AOC1: variants seen among roughly 807,000 people sequenced by gnomAD.
AOC1 encodes the protein diamine oxidase [copper-containing].
Under a neutral mutation model 57.1 loss-of-function variants are expected in AOC1, and 58 were observed. The observed-to-expected ratio is 1.02, with a 90% CI of 0.82 to 1.26. The LOEUF (loss-of-function observed/expected upper bound fraction) is 1.26, where lower values mean the gene tolerates loss of function less well. Ranked by LOEUF, AOC1 falls within the 50% of genes most tolerant of loss-of-function variation. The pLI, the probability that AOC1 is intolerant of heterozygous loss-of-function variation, is 0.00. For missense variants in AOC1, 917 were observed against 1,005.3 expected (o/e 0.91, Z 1.19); for synonymous variants, 401 against 423.4 (o/e 0.95, Z 0.65).
rs746603024 is a variant in AOC1, at chr7:150,858,033, T to C, written c.1563T>C (p.Asp521=). 2.0e-6 allele frequency: 3 copies of C among 1,515,376 alleles called. No homozygotes were observed. In the East Asian group the frequency reaches 6.8e-5, roughly 34 times the overall value. The allele number at this position is 1,515,376 out of a possible 1,614,324, so 93.9% of individuals were successfully genotyped here. The change falls in exon 2 of 5, where the codon GAT becomes GAC. Residue 521 remains aspartate, a synonymous_variant. Coordinates refer to ENST00000360937, the MANE Select transcript of AOC1 (RefSeq NM_001091.4). ...THLVHYRVDL[D]VAGTKNSFQT... is the part of the protein sequence containing the mutation. ...TGGTGCACTACCGCGTAGACCTGGATGTGGCAGGTAGGACTCAAAGCGAGA... is the reference window on the plus strand; with the variant it reads ...TGGTGCACTACCGCGTAGACCTGGACGTGGCAGGTAGGACTCAAAGCGAGA...
chr7:150,860,734 G>C (rs1032024430), intron 4 of AOC1, 101 bp downstream of exon 4: 12 of 1,463,304 alleles, frequency 8.2e-6, no homozygotes, highest in Non-Finnish European at 1.1e-5. Flanking sequence ...ACCACCCTTT[G>C]CCCAGATCTG....
rs45490891 is a variant in AOC1 at position 150,852,729 on chromosome 7, G to T, written c.-17+171G>T. On this transcript the variant is annotated intron_variant, in intron 1 of 4. Coordinates refer to ENST00000360937, the MANE Select transcript of AOC1 (RefSeq NM_001091.4). This position sits in a 1 kb window ranked among gnomAD's most constrained non-coding sequence, Gnocchi z 4.6. ...ATCACAGAAGGTGCCCGGGTGCTTG[G>T]TGGCAGGCAACAGCCGGCCAGGGTG... Among the ~76,000 whole-genome samples the T allele has an allele frequency of 6.6e-6, 1 of 152,158 alleles. No individual in the cohort carries two copies. The highest frequency in any genetic ancestry group is 2.4e-5 in the African/African-American group (1 of 41,432).
Position 150,857,849 on chromosome 7 carries a change from A to T in AOC1, c.1379A>T (p.Asn460Ile). ...CTGCGGACAACTTCAACTGTCTACA[A>T]TTATGATTACATTTGGGACTTTATC... ...LVLRTTSTVY[N>I]YDYIWDFIFY... Residue 460 changes from asparagine (N) to isoleucine (I), a missense_variant, in exon 2 of 5, where the codon AAT becomes ATT. Physicochemically the swap from Asn to Ile is moderately radical, Grantham distance 149 (BLOSUM62 -3). Coordinates refer to ENST00000360937, the MANE Select transcript of AOC1 (RefSeq NM_001091.4). This position sits in a 1 kb window ranked among gnomAD's most constrained non-coding sequence, Gnocchi z 6.6. 1 of 1,613,968 alleles carries T rather than the reference A, an allele frequency of 6.2e-7. No individual in the cohort carries two copies. The highest frequency in any genetic ancestry group is 8.5e-7 in the Non-Finnish European group (1 of 1,179,852).
chr7:150,860,282 T>G (rs1204710452), intron 3 of AOC1, among the ~76,000 whole-genome samples: 1 of 134,598 alleles, frequency 7.4e-6, no homozygotes, highest in Non-Finnish European at 1.6e-5. Context: ...TCTGGGCCTG[T>G]GTCTCTGTGC....
In AOC1 at chr7:150,856,861, A is replaced by G; in HGVS notation, c.391A>G (p.Arg131Gly). The G allele has an allele frequency of 6.8e-6, 11 of 1,614,044 alleles. No individual in the cohort carries two copies. The highest frequency in any genetic ancestry group is 9.3e-6 in the Non-Finnish European group (11 of 1,179,940). Reference sequence around the variant, plus strand: ...CTGCTACATGCGAGCACTGTCCCCCAGGCCTGGGTACCAGTCCTCCTGGGC... The same window carrying G: ...CTGCTACATGCGAGCACTGTCCCCCGGGCCTGGGTACCAGTCCTCCTGGGC... ...GPCYMRALSP[R>G]PGYQSSWASR... The change falls in exon 2 of 5, where the codon AGG becomes GGG. Residue 131 changes from arginine (R) to glycine (G), a missense_variant. Physicochemically the swap from Arg to Gly is moderately radical, Grantham distance 125 (BLOSUM62 -2). Coordinates refer to ENST00000360937, the MANE Select transcript of AOC1 (RefSeq NM_001091.4). The surrounding 1 kb of genome is among the most constrained non-coding windows in gnomAD (Gnocchi z 5.2).
chr7:150,858,072 ACATCTG>A (rs770708495), intron 2 of AOC1, 32 bp downstream of exon 2: 1 of 1,494,442 alleles, frequency 6.7e-7, no homozygotes, highest in Non-Finnish European at 8.9e-7. Context: ...TCCCGTTCAA[ACATCTG>A]CATCCAGCCA....
rs761194311 is a variant in AOC1, at chr7:150,860,579, C to A, written c.1935C>A (p.His645Gln). Residue 645 changes from histidine to glutamine, a missense_variant, in exon 4 of 5, where the codon CAC (histidine) becomes CAA (glutamine). By Grantham distance (24) the His-to-Gln change is conservative (BLOSUM62 0). Transcript: ENST00000360937. ...SSIYHQNDPW[H>Q]PPVVFEQFLH... is the part of the protein sequence containing the mutation. ...TCTACCACCAGAACGACCCCTGGCA[C>A]CCGCCCGTGGTCTTTGAGCAGTTTC... is the stretch of plus-strand genomic sequence containing the variant. 3.1e-6 allele frequency: 5 copies of A among 1,613,906 alleles called. No homozygotes were observed. In the Admixed American group the frequency reaches 8.3e-5, roughly 27 times the overall value.
chr7:150,861,121 C>T lies in AOC1; in HGVS notation c.2168C>T (p.Pro723Leu). 1 of 1,614,138 alleles carries T rather than the reference C, an allele frequency of 6.2e-7. No individual in the cohort carries two copies. Among genetic ancestry groups the T allele is most frequent in the Non-Finnish European group, 8.5e-7 (1 of 1,179,984 alleles). Reference sequence around the variant, plus strand: ...ATCGTGTGGCCTCGGGACAACGGCCCCAACTACGTCCAGCGCTGGATCCCT... The same window carrying T: ...ATCGTGTGGCCTCGGGACAACGGCCTCAACTACGTCCAGCGCTGGATCCCT... ...TVIVWPRDNG[P>L]NYVQRWIPED... is the part of the protein sequence containing the mutation. The change falls in exon 5 of 5, where the codon CCC (proline) becomes CTC (leucine). Residue 723 changes from proline (P) to leucine (L), a missense_variant. Transcript: ENST00000360937. This position sits in a 1 kb window ranked among gnomAD's most constrained non-coding sequence, Gnocchi z 4.5.
At chr7:150,858,614 C>G in intron 2 of AOC1, 149 bp from the exon 3 acceptor site, 1 of 866,892 alleles carries the variant, frequency 1.2e-6, no homozygotes, top group Non-Finnish European at 1.7e-6. Context: ...ATGGAATCAC[C>G]ACAGCCGCCC....
rs781579851 is a variant in AOC1 at position 150,856,456 on chromosome 7, G to A, written c.-15G>A. 1 of 1,606,472 alleles carries A rather than the reference G, an allele frequency of 6.2e-7. No individual in the cohort carries two copies. The highest frequency in any genetic ancestry group is 8.5e-7 in the Non-Finnish European group (1 of 1,177,070). On this transcript the variant is annotated splice_region_variant and 5_prime_UTR_variant, in exon 2 of 5. Transcript: ENST00000360937. The surrounding 1 kb of genome is among the most constrained non-coding windows in gnomAD (Gnocchi z 5.2). ...TTCATCTCCTCTATTGCATTCCAGAGCCGTGGAGCGAGAGATGCCGGCCCT... is the reference window on the plus strand; with the variant it reads ...TTCATCTCCTCTATTGCATTCCAGAACCGTGGAGCGAGAGATGCCGGCCCT...
In AOC1 at chr7:150,860,501, G is replaced by A; in HGVS notation, c.1857G>A (p.Arg619=). Residue 619 remains arginine (R), a splice_region_variant and synonymous_variant, in exon 4 of 5, where the codon AGG becomes AGA. Coordinates refer to ENST00000360937, the MANE Select transcript of AOC1 (RefSeq NM_001091.4). ...WQEEQAITWA[R]YPLAVTKYRE... ...AAGCTGCTTCGCCTGTGCCTGGCAG[G>A]TACCCCCTGGCAGTGACCAAGTACC... The A allele has an allele frequency of 2.5e-6, 4 of 1,613,998 alleles. No homozygotes were observed. Among genetic ancestry groups the A allele is most frequent in the Non-Finnish European group, 3.4e-6 (4 of 1,179,936 alleles).
chr7:150,861,121 C>A lies in AOC1; in HGVS notation c.2168C>A (p.Pro723His). ...TVIVWPRDNG[P>H]NYVQRWIPED... is the part of the protein sequence containing the mutation. ...ATCGTGTGGCCTCGGGACAACGGCCCCAACTACGTCCAGCGCTGGATCCCT... is the reference window on the plus strand; with the variant it reads ...ATCGTGTGGCCTCGGGACAACGGCCACAACTACGTCCAGCGCTGGATCCCT... The change falls in exon 5 of 5, where the codon CCC (proline) becomes CAC (histidine). Residue 723 changes from proline to histidine, a missense_variant. Coordinates refer to ENST00000360937, the MANE Select transcript of AOC1 (RefSeq NM_001091.4). This position sits in a 1 kb window ranked among gnomAD's most constrained non-coding sequence, Gnocchi z 4.5. 1.2e-6 allele frequency: 2 copies of A among 1,614,138 alleles called. No individual in the cohort carries two copies. The highest frequency in any genetic ancestry group is 8.5e-7 in the Non-Finnish European group (1 of 1,179,984).
At chr7:150,858,167 TA>T in intron 2 of AOC1, 127 bp downstream of exon 2, 1 of 1,288,274 alleles carries the variant, frequency 7.8e-7, no homozygotes, top group Non-Finnish European at 1.0e-6. Context: ...CCTGCTTCTG[TA>T]AAACCTAAAG....
In AOC1 at chr7:150,860,979, A is replaced by C. The variant is rs1563100735; in HGVS notation, c.2026A>C (p.Ile676Leu). 6.2e-7 allele frequency: 1 copy of C among 1,613,568 alleles called. No individual in the cohort carries two copies. Among genetic ancestry groups the C allele is most frequent in the Non-Finnish European group, 8.5e-7 (1 of 1,179,846 alleles). Residue 676 changes from isoleucine to leucine, a missense_variant, in exon 5 of 5, where the codon ATC (isoleucine) becomes CTC (leucine). Coordinates refer to ENST00000360937, the MANE Select transcript of AOC1 (RefSeq NM_001091.4). ...CTGGGTGACGGTGGGCTTCCTGCAC[A>C]TCCCCCACTCAGAGGACATTCCCAA... The part of the protein sequence containing the change: ...VAWVTVGFLH[I>L]PHSEDIPNTA...
chr7:150,857,926 C>T lies in AOC1; in HGVS notation c.1456C>T (p.His486Tyr). Residue 486 changes from histidine to tyrosine, a missense_variant, in exon 2 of 5, where the codon CAC becomes TAC. Coordinates refer to ENST00000360937, the MANE Select transcript of AOC1 (RefSeq NM_001091.4). This position sits in a 1 kb window ranked among gnomAD's most constrained non-coding sequence, Gnocchi z 6.6. ...EAKMHATGYV[H>Y]ATFYTPEGLR... ...CAAGATGCATGCCACTGGCTACGTC[C>T]ACGCCACCTTCTACACCCCCGAGGG... The T allele has an allele frequency of 6.2e-7, 1 of 1,612,358 alleles. No homozygotes were observed. The highest frequency in any genetic ancestry group is 1.3e-5 in the African/African-American group (1 of 75,012).
rs761284560 is a variant in AOC1, at chr7:150,857,503, C to T, written c.1033C>T (p.Arg345Cys). 4.3e-6 allele frequency: 7 copies of T among 1,613,646 alleles called. No individual in the cohort carries two copies. The highest frequency in any genetic ancestry group is 1.7e-5 in the Admixed American group (1 of 60,002). Residue 345 changes from arginine (R) to cysteine (C), a missense_variant, in exon 2 of 5, where the codon CGC becomes TGC. Coordinates refer to ENST00000360937, the MANE Select transcript of AOC1 (RefSeq NM_001091.4). The surrounding 1 kb of genome is among the most constrained non-coding windows in gnomAD (Gnocchi z 6.6). ...QVLNVHFGGERIAYEVSVQEA... is the reference protein window; with the variant it reads ...QVLNVHFGGECIAYEVSVQEA... ...CCTGAACGTGCACTTCGGCGGAGAG[C>T]GCATTGCCTATGAGGTCAGCGTGCA...
rs764392111 is a variant in AOC1, at chr7:150,861,188, T to G, written c.2235T>G (p.Asn745Lys). The G allele has an allele frequency of 6.2e-6, 10 of 1,603,016 alleles. No individual in the cohort carries two copies. Among genetic ancestry groups the G allele is most frequent in the Non-Finnish European group, 8.5e-6 (10 of 1,172,468 alleles). The stretch of plus-strand genomic sequence containing the variant: ...CGATGCCTCCCCCTTTTAGCTACAA[T>G]GGGACCTATAGACCTGTGTGACCAG... ...DCSMPPPFSY[N>K]GTYRPV Residue 745 changes from asparagine to lysine, a missense_variant, in exon 5 of 5, where the codon AAT becomes AAG. Coordinates refer to ENST00000360937, the MANE Select transcript of AOC1 (RefSeq NM_001091.4). This position sits in a 1 kb window ranked among gnomAD's most constrained non-coding sequence, Gnocchi z 4.5.
In AOC1 at chr7:150,861,453, T is replaced by C; in HGVS notation, c.*244T>C. On this transcript the variant is annotated 3_prime_UTR_variant, in exon 5 of 5. Coordinates refer to ENST00000360937, the MANE Select transcript of AOC1 (RefSeq NM_001091.4). The surrounding 1 kb of genome is among the most constrained non-coding windows in gnomAD (Gnocchi z 4.5). Reference sequence around the variant, plus strand: ...GCACTCACACGGACATGCACACACATGGCATGTACTTTATTCACACTGGTC... The same window carrying C: ...GCACTCACACGGACATGCACACACACGGCATGTACTTTATTCACACTGGTC... 1 of 443,862 alleles carries C rather than the reference T, an allele frequency of 2.3e-6. No individual in the cohort carries two copies. Among genetic ancestry groups the C allele is most frequent in the Non-Finnish European group, 4.0e-6 (1 of 251,608 alleles). 27.5% of individuals were successfully genotyped at this position (443,862 alleles called of 1,614,324 possible).
chr7:150,861,483 G>A lies in AOC1; in HGVS notation c.*274G>A. On this transcript the variant is annotated 3_prime_UTR_variant, in exon 5 of 5. Transcript: ENST00000360937. This position sits in a 1 kb window ranked among gnomAD's most constrained non-coding sequence, Gnocchi z 4.5. Reference sequence around the variant, plus strand: ...TGTACTTTATTCACACTGGTCTACTGCAGTCCAGAAAAGCCACCATTACTA... The same window carrying A: ...TGTACTTTATTCACACTGGTCTACTACAGTCCAGAAAAGCCACCATTACTA... 2.8e-6 allele frequency: 1 copy of A among 353,690 alleles called. No individual in the cohort carries two copies. The highest frequency in any genetic ancestry group is 5.1e-6 in the Non-Finnish European group (1 of 196,430). 21.9% of individuals were successfully genotyped at this position (353,690 alleles called of 1,614,324 possible).
Sources: gnomAD v4.1 joint callset for allele counts (sites outside exome capture counted in the v4.1 genomes callset) on GRCh38, gnomAD v4.1.1 for gene constraint, Gnocchi (gnomAD v3.1) non-coding constraint, MANE v1.5 for transcripts, NCBI Gene and HGNC (gene_info 2026-07-23, HGNC 2026-07-21) for gene names.